CHST11: variants seen among roughly 807,000 people sequenced by gnomAD.
CHST11 encodes C4S-1.
In CHST11, 9 loss-of-function variants were observed where a neutral mutation model predicts 30.4. That is an observed-to-expected ratio of 0.30 (90% CI 0.18 to 0.52). CHST11 has a LOEUF of 0.52. Ranked by LOEUF, CHST11 falls within the 20% of genes least tolerant of loss-of-function variation. The pLI is 0.97. For missense variants in CHST11, 348 were observed against 460.6 expected (o/e 0.76, Z 2.24); for synonymous variants, 152 against 187.8 (o/e 0.81, Z 1.56).
intron 1 of CHST11, among the ~76,000 whole-genome samples, chr12:104,487,859 AT>A (rs1023278417): frequency 3.6e-5 from 5 of 137,916 alleles, no homozygotes; most frequent in Admixed American, 1.4e-4. Context: ...TTTTTTCTCT[AT>A]TTTTTTTTCA....
At chr12:104,719,809 A>C (rs1362904307) in intron 2 of CHST11, among the ~76,000 whole-genome samples, 2 of 152,162 alleles carry the variant, frequency 1.3e-5, no homozygotes, top group Non-Finnish European at 2.9e-5. Context: ...GCTGCACCCC[A>C]TGGCCAGGGG....
intron 2 of CHST11, among the ~76,000 whole-genome samples, chr12:104,670,641 ACT>A (rs2039685954): frequency 6.7e-6 from 1 of 149,264 alleles, no homozygotes; most frequent in South Asian, 2.1e-4. Context: ...ACTCATGCAC[ACT>A]CTCCCACACA....
intron 1 of CHST11, among the ~76,000 whole-genome samples, chr12:104,518,085 A>G (rs142370240): frequency 1.4e-4 from 22 of 152,252 alleles, no homozygotes; most frequent in African/African-American, 4.8e-4. Flanking sequence ...CAGGAGCTCA[A>G]GACCAGCCTG....
intron 1 of CHST11, among the ~76,000 whole-genome samples, chr12:104,566,751 C>G (rs2038571377): frequency 6.6e-6 from 1 of 152,146 alleles, no homozygotes; most frequent in African/African-American, 2.4e-5. Flanking sequence ...TTACAAACAC[C>G]TACAGGTACA....
chr12:104,484,622 GCCCA>G, intron 1 of CHST11, among the ~76,000 whole-genome samples: 1 of 152,228 alleles, frequency 6.6e-6, no homozygotes, highest in South Asian at 2.1e-4. Flanking sequence ...GTTTGGCACA[GCCCA>G]GGGACATTGT....
intron 2 of CHST11, among the ~76,000 whole-genome samples, chr12:104,698,970 A>T (rs553949839): frequency 6.6e-6 from 1 of 152,348 alleles, no homozygotes; most frequent in South Asian, 2.1e-4. Flanking sequence ...ATCAATATGA[A>T]TTAGGGAAGA....
chr12:104,677,549 CTGTT>C (rs2039754027), intron 2 of CHST11, among the ~76,000 whole-genome samples: 1 of 152,256 alleles, frequency 6.6e-6, no homozygotes. Context: ...AATAGCAACT[CTGTT>C]TGATCAGCCT....
At chr12:104,640,455 A>T (rs995796334) in intron 2 of CHST11, among the ~76,000 whole-genome samples, 13 of 152,232 alleles carry the variant, frequency 8.5e-5, no homozygotes, top group African/African-American at 3.1e-4. Context: ...GCATATTACT[A>T]AGTGAAAGAA....
chr12:104,509,406 C>A (rs781590801), intron 1 of CHST11, among the ~76,000 whole-genome samples: 32 of 152,248 alleles, frequency 2.1e-4, no homozygotes, highest in Non-Finnish European at 3.8e-4. Context: ...AGACAGCATT[C>A]TATTATTTTG....
intron 2 of CHST11, among the ~76,000 whole-genome samples, chr12:104,622,610 G>A (rs1449703237): frequency 6.6e-6 from 1 of 152,138 alleles, no homozygotes; most frequent in Non-Finnish European, 1.5e-5. Context: ...GGCTAAACCT[G>A]AACGTCGAGC....
chr12:104,640,660 C>T (rs1434154265), intron 2 of CHST11, among the ~76,000 whole-genome samples: 2 of 152,104 alleles, frequency 1.3e-5, no homozygotes, highest in African/African-American at 4.8e-5. Flanking sequence ...CTACTCTATG[C>T]AATGCTTTAA....
intron 1 of CHST11, among the ~76,000 whole-genome samples, chr12:104,461,723 G>A (rs1048272492): frequency 1.3e-5 from 2 of 151,980 alleles, no homozygotes; most frequent in Non-Finnish European, 2.9e-5. Context: ...TCTTTGCCTC[G>A]GTTGAATGTA....
chr12:104,642,850 G>A (rs2039390812), intron 2 of CHST11, among the ~76,000 whole-genome samples: 1 of 151,648 alleles, frequency 6.6e-6, no homozygotes. Flanking sequence ...ATTAAAACAA[G>A]AATACTTTTT....
At chr12:104,473,771 G>T (rs2037532196) in intron 1 of CHST11, among the ~76,000 whole-genome samples, 1 of 152,086 alleles carries the variant, frequency 6.6e-6, no homozygotes, top group African/African-American at 2.4e-5. Context: ...CATTGTGCTT[G>T]GTACAAAGCT....
chr12:104,747,211 C>A (rs1293990028), intron 2 of CHST11, among the ~76,000 whole-genome samples: 1 of 152,226 alleles, frequency 6.6e-6, no homozygotes, highest in African/African-American at 2.4e-5. Context: ...GCCCGGGAGC[C>A]GATAACTCCC....
chr12:104,513,662 A>G (rs530544310), intron 1 of CHST11, among the ~76,000 whole-genome samples: 2 of 152,142 alleles, frequency 1.3e-5, no homozygotes, highest in South Asian at 2.1e-4. Flanking sequence ...CATAAGATGG[A>G]TGAGGCCCAG....
At chr12:104,520,735 G>C (rs1048778609) in intron 1 of CHST11, among the ~76,000 whole-genome samples, 2 of 152,212 alleles carry the variant, frequency 1.3e-5, no homozygotes, top group Non-Finnish European at 2.9e-5. Flanking sequence ...CAGGCTCACA[G>C]CATGGGAGCG....
intron 1 of CHST11, among the ~76,000 whole-genome samples, chr12:104,465,914 G>A (rs1221598071): frequency 2.0e-5 from 3 of 151,744 alleles, no homozygotes; most frequent in African/African-American, 7.3e-5. Context: ...TGTCGCCCAG[G>A]CTGGAATGTA....
At chr12:104,756,024 C>T (rs1237067888) in intron 2 of CHST11, among the ~76,000 whole-genome samples, 1 of 152,156 alleles carries the variant, frequency 6.6e-6, no homozygotes, top group Non-Finnish European at 1.5e-5. Flanking sequence ...GGCTTGGTTC[C>T]TGGGGCAAGG....
Sources: allele counts gnomAD v4.1 joint callset (sites outside exome capture counted in the v4.1 genomes callset), GRCh38; gene constraint gnomAD v4.1.1; transcripts MANE v1.5; gene names NCBI Gene and HGNC (gene_info 2026-07-23, HGNC 2026-07-21).